The following PCDH15 variants were observed in gnomAD, a reference collection of about 807,000 sequenced individuals.
PCDH15 encodes protocadherin related 15.
In PCDH15, 129 loss-of-function variants were observed where a neutral mutation model predicts 178.5. The ratio of observed to expected loss-of-function variants is 0.72; its 90% CI spans 0.63 to 0.84. The LOEUF (loss-of-function observed/expected upper bound fraction) is 0.84. Among genes scored for constraint, PCDH15 ranks in the 40% least tolerant of loss-of-function variants. PCDH15 has a pLI of 0.00. For missense variants in PCDH15, 2,230 were observed against 2,099.9 expected (o/e 1.06, Z -1.21); for synonymous variants, 800 against 732.0 (o/e 1.09, Z -1.50).
chr10:54,643,175 T>C (rs1364874275), intron 2 of PCDH15, among the ~76,000 whole-genome samples: 1 of 152,230 alleles, frequency 6.6e-6, no homozygotes, highest in Non-Finnish European at 1.5e-5. Flanking sequence ...TCTGCCCACC[T>C]TGGCCTCCCA....
intron 2 of PCDH15, among the ~76,000 whole-genome samples, chr10:55,369,242 T>C (rs1845438707): frequency 6.6e-6 from 1 of 151,944 alleles, no homozygotes; most frequent in African/African-American, 2.4e-5. Flanking sequence ...AGCTAAAACA[T>C]AAAATTGTTC....
At chr10:55,554,020 G>C (rs953216270) in intron 2 of PCDH15, among the ~76,000 whole-genome samples, 1 of 151,920 alleles carries the variant, frequency 6.6e-6, no homozygotes, top group Non-Finnish European at 1.5e-5. Context: ...TCACAATTAA[G>C]GTTGTACTCT....
intron 2 of PCDH15, among the ~76,000 whole-genome samples, chr10:55,413,871 T>C (rs1281050011): frequency 1.3e-5 from 2 of 151,488 alleles, no homozygotes; most frequent in African/African-American, 4.8e-5. Context: ...AGTGGTCAAG[T>C]TTCTATCCCA....
intron 1 of PCDH15, among the ~76,000 whole-genome samples, chr10:54,740,986 A>G (rs1176413593): frequency 1.3e-5 from 2 of 151,894 alleles, no homozygotes; most frequent in Non-Finnish European, 2.9e-5. Flanking sequence ...ACAATAACTT[A>G]TTGTACATTT....
chr10:54,050,779 T>A (rs1346026826), intron 18 of PCDH15, among the ~76,000 whole-genome samples: 1 of 152,202 alleles, frequency 6.6e-6, no homozygotes, highest in African/African-American at 2.4e-5. Flanking sequence ...CACTGTTTTT[T>A]AAATCAACTG....
At chr10:53,866,372 A>C (rs2079448895) in intron 27 of PCDH15, among the ~76,000 whole-genome samples, 1 of 151,554 alleles carries the variant, frequency 6.6e-6, no homozygotes, top group African/African-American at 2.4e-5. Context: ...TTGCTGTTAC[A>C]ATCATATTTT....
At chr10:54,693,621 A>C (rs1386147117) in intron 1 of PCDH15, among the ~76,000 whole-genome samples, 1 of 152,172 alleles carries the variant, frequency 6.6e-6, no homozygotes, top group Non-Finnish European at 1.5e-5. Context: ...TTTCAGTAAC[A>C]ACTTTCAGTA....
At chr10:54,724,868 C>A (rs930313706) in intron 1 of PCDH15, among the ~76,000 whole-genome samples, 1 of 150,154 alleles carries the variant, frequency 6.7e-6, no homozygotes, top group Admixed American at 6.7e-5. Flanking sequence ...GGGGATTGGG[C>A]TTCTACTCTA....
At chr10:55,113,656 T>C (rs1837563255) in intron 2 of PCDH15, among the ~76,000 whole-genome samples, 1 of 152,210 alleles carries the variant, frequency 6.6e-6, no homozygotes, top group Non-Finnish European at 1.5e-5. Flanking sequence ...ATTATATGCA[T>C]GCTTAGAAAT....
At chr10:54,105,317 T>TATATACACAC (rs1233590982) in intron 15 of PCDH15, among the ~76,000 whole-genome samples, 1 of 91,584 alleles carries the variant, frequency 1.1e-5, no homozygotes, top group Admixed American at 1.3e-4. Flanking sequence ...TATATATATA[T>TATATACACAC]ACACACACAC....
chr10:55,125,205 A>C (rs1837869719), intron 2 of PCDH15, among the ~76,000 whole-genome samples: 1 of 128,820 alleles, frequency 7.8e-6, no homozygotes, highest in Admixed American at 7.4e-5. Context: ...AAGTTTAACA[A>C]AAATCTGTGT....
At chr10:54,972,738 A>C (rs1373883654) in intron 2 of PCDH15, among the ~76,000 whole-genome samples, 3 of 150,162 alleles carry the variant, frequency 2.0e-5, no homozygotes, top group Non-Finnish European at 4.4e-5. Flanking sequence ...AGTCCCAGCT[A>C]CTTGGGAGGC....
chr10:54,860,282 C>A (rs962097360), intron 3 of PCDH15, among the ~76,000 whole-genome samples: 35 of 152,030 alleles, frequency 2.3e-4, no homozygotes, highest in African/African-American at 8.5e-4. Flanking sequence ...GGTAGTTTTT[C>A]AGCCCTTGCC....
At chr10:54,776,968 T>C (rs1053612987) in intron 1 of PCDH15, among the ~76,000 whole-genome samples, 3 of 152,138 alleles carry the variant, frequency 2.0e-5, no homozygotes, top group African/African-American at 7.2e-5. Context: ...AAAAGAAATG[T>C]TTTCTTTTAT....
At chr10:54,655,545 CTT>C (rs1026563328) in intron 2 of PCDH15, 42 of 151,382 alleles carry the variant, frequency 2.8e-4, no homozygotes, top group African/African-American at 9.7e-4. Flanking sequence ...TCTTCTCTCT[CTT>C]TTAGTTCTGT....
intron 2 of PCDH15, among the ~76,000 whole-genome samples, chr10:54,602,381 G>A (rs541036396): frequency 2.0e-5 from 3 of 151,762 alleles, no homozygotes; most frequent in Non-Finnish European, 2.9e-5. Context: ...TAGCATTTTT[G>A]GTTGTCATTG....
intron 3 of PCDH15, among the ~76,000 whole-genome samples, chr10:54,455,316 C>T (rs935891195): frequency 2.0e-5 from 3 of 152,118 alleles, no homozygotes; most frequent in Non-Finnish European, 4.4e-5. Flanking sequence ...AACTGGGTAA[C>T]AGGCAGAGGC....
intron 23 of PCDH15, 58 bp from the exon 24 acceptor site, chr10:53,941,033 T>C: frequency 8.2e-7 from 1 of 1,214,080 alleles, no homozygotes; most frequent in Middle Eastern, 1.9e-4. Context: ...GATGTAACTT[T>C]ACGTTCACAG....
intron 2 of PCDH15, among the ~76,000 whole-genome samples, chr10:55,062,198 G>C (rs2132000534): frequency 6.6e-6 from 1 of 152,296 alleles, no homozygotes; most frequent in South Asian, 2.1e-4. Flanking sequence ...GAGCTCTCAT[G>C]AATGGGATTA....
Sources: allele counts gnomAD v4.1 joint callset (sites outside exome capture counted in the v4.1 genomes callset), GRCh38; gene constraint gnomAD v4.1.1; transcripts MANE v1.5; gene names NCBI Gene and HGNC (gene_info 2026-07-23, HGNC 2026-07-21).